The following RECK variants were observed in gnomAD, a reference collection of about 807,000 sequenced individuals.
The protein encoded by RECK is reversion inducing cysteine rich protein with kazal motifs.
RECK carries 69 observed loss-of-function variants against 115.1 expected under a neutral mutation model. The ratio of observed to expected loss-of-function variants is 0.60; its 90% CI spans 0.49 to 0.73. The LOEUF is 0.73. RECK is among the 30% of genes least tolerant of loss of function. RECK has a pLI of 0.00. For missense variants in RECK, 1,047 were observed against 1,203.7 expected (o/e 0.87, Z 1.93); for synonymous variants, 414 against 419.7 (o/e 0.99, Z 0.17).
chr9:36,096,068 CAAA>C (rs150675703), intron 10 of RECK, among the ~76,000 whole-genome samples: 4 of 91,010 alleles, frequency 4.4e-5, no homozygotes, highest in African/African-American at 4.1e-5. Flanking sequence ...AACTCCATCT[CAAA>C]AAAAAAAAAA....
chr9:36,058,276 G>T (rs1821611871), intron 2 of RECK, among the ~76,000 whole-genome samples: 1 of 151,474 alleles, frequency 6.6e-6, no homozygotes, highest in Non-Finnish European at 1.5e-5. Context: ...TGACAGACTG[G>T]ATTAAGAAAA....
chr9:36,056,508 G>A (rs529356976), intron 2 of RECK, among the ~76,000 whole-genome samples: 1 of 151,936 alleles, frequency 6.6e-6, no homozygotes, highest in African/African-American at 2.4e-5. Context: ...CATCCCCCTG[G>A]TGTCGTTTAA....
At chr9:36,083,144 T>C (rs1347195774) in intron 7 of RECK, among the ~76,000 whole-genome samples, 2 of 152,198 alleles carry the variant, frequency 1.3e-5, no homozygotes, top group Non-Finnish European at 2.9e-5. Context: ...ACCACTGGAC[T>C]ATAGACTGTA....
At chr9:36,098,289 ATG>A (rs1482026546) in intron 10 of RECK, among the ~76,000 whole-genome samples, 2 of 152,204 alleles carry the variant, frequency 1.3e-5, no homozygotes, top group African/African-American at 4.8e-5. Context: ...GCCATTCCAC[ATG>A]TGTCATGTTT....
intron 10 of RECK, among the ~76,000 whole-genome samples, chr9:36,091,581 C>T (rs540899712): frequency 2.0e-5 from 3 of 152,282 alleles, no homozygotes; most frequent in East Asian, 3.9e-4. Context: ...TCTCTTCTGC[C>T]GTCAGTCCCC....
chr9:36,058,749 C>T (rs1821636709), intron 2 of RECK, 78 bp from the exon 3 acceptor site: 1 of 796,230 alleles, frequency 1.3e-6, no homozygotes. Context: ...ACTGATAAAT[C>T]TAGAGGATAA....
chr9:36,058,802 A>G, intron 2 of RECK, 25 bp from the exon 3 acceptor site: 3 of 1,546,290 alleles, frequency 1.9e-6, no homozygotes. Context: ...AATGCCACAA[A>G]AACTTTTTTT....
At chr9:36,085,304 A>G (rs1822905240) in intron 8 of RECK, 1 of 170,084 alleles carries the variant, frequency 5.9e-6, no homozygotes, top group African/African-American at 2.4e-5. Context: ...GGCTCTTCAG[A>G]GTCTCCGCTT....
intron 6 of RECK, among the ~76,000 whole-genome samples, chr9:36,068,407 A>T (rs1400504033): frequency 6.6e-6 from 1 of 152,198 alleles, no homozygotes; most frequent in African/African-American, 2.4e-5. Flanking sequence ...CTATTCTTCT[A>T]TACTTAAAGG....
intron 16 of RECK, 41 bp downstream of exon 16, chr9:36,112,517 G>A: frequency 6.3e-7 from 1 of 1,587,326 alleles, no homozygotes; most frequent in South Asian, 1.1e-5. Flanking sequence ...CTGAAGACTA[G>A]TACTTACAAA....
intron 8 of RECK, chr9:36,085,362 T>C (rs1822908293): frequency 1.3e-5 from 2 of 156,172 alleles, no homozygotes; most frequent in African/African-American, 4.8e-5. Context: ...ACCAGATTTA[T>C]AAAAACTGAC....
At chr9:36,099,949 G>A (rs985028732) in intron 10 of RECK, among the ~76,000 whole-genome samples, 1 of 152,160 alleles carries the variant, frequency 6.6e-6, no homozygotes, top group Admixed American at 6.5e-5. Flanking sequence ...GTACATATTT[G>A]TCAAAGCACA....
intron 2 of RECK, among the ~76,000 whole-genome samples, chr9:36,055,433 G>A (rs1471953008): frequency 1.3e-5 from 2 of 152,008 alleles, no homozygotes. Context: ...CAGAAACTGG[G>A]ACCTAAATTT....
intron 10 of RECK, among the ~76,000 whole-genome samples, chr9:36,100,126 T>C (rs1247427797): frequency 1.3e-5 from 2 of 152,224 alleles, no homozygotes; most frequent in African/African-American, 2.4e-5. Context: ...AAGAATCTGT[T>C]AAAAAGAAAA....
chr9:36,062,714 G>C (rs183038840), intron 4 of RECK, among the ~76,000 whole-genome samples: 18 of 152,128 alleles, frequency 1.2e-4, no homozygotes, highest in African/African-American at 3.4e-4. Flanking sequence ...ATGACCTCAA[G>C]TGATCTGCCC....
intron 6 of RECK, among the ~76,000 whole-genome samples, chr9:36,072,433 A>C (rs1429094270): frequency 6.6e-6 from 1 of 152,204 alleles, no homozygotes; most frequent in Non-Finnish European, 1.5e-5. Flanking sequence ...AGAGGAGACC[A>C]TCTAGTTGTG....
chr9:36,105,292 T>G lies in RECK; in HGVS notation c.1576+9T>G. ...ATACTTTTGTGTTCAAGGTAAGAGGTAGGTGGGTGTGAGAAGAGGATGGAT... is the reference window on the plus strand; with the variant it reads ...ATACTTTTGTGTTCAAGGTAAGAGGGAGGTGGGTGTGAGAAGAGGATGGAT... On this transcript the variant is annotated intron_variant, in intron 13 of 20. Coordinates refer to ENST00000377966, the MANE Select transcript of RECK (RefSeq NM_021111.3). The G allele has an allele frequency of 6.2e-7, 1 of 1,613,814 alleles. No individual in the cohort carries two copies. The highest frequency in any genetic ancestry group is 8.5e-7 in the Non-Finnish European group (1 of 1,179,802).
chr9:36,106,016 A>G (rs562995424), intron 13 of RECK, among the ~76,000 whole-genome samples: 1 of 152,114 alleles, frequency 6.6e-6, no homozygotes, highest in South Asian at 2.1e-4. Context: ...GATCGAAACC[A>G]TCCTGGCTAA....
At chr9:36,052,073 A>G (rs1039031919) in intron 1 of RECK, among the ~76,000 whole-genome samples, 192 bp from the exon 2 acceptor site, 18 of 152,208 alleles carry the variant, frequency 1.2e-4, no homozygotes, top group African/African-American at 3.9e-4. Flanking sequence ...CTTCTTGAGG[A>G]CAGGGACCAT....
Sources: gnomAD v4.1 joint callset for allele counts (sites outside exome capture counted in the v4.1 genomes callset) on GRCh38, gnomAD v4.1.1 for gene constraint, MANE v1.5 for transcripts, NCBI Gene and HGNC (gene_info 2026-07-23, HGNC 2026-07-21) for gene names.